The following VCAM1 variants were observed in gnomAD, a reference collection of about 807,000 sequenced individuals.
VCAM1 encodes the protein vascular cell adhesion molecule 1, also known as vascular cell adhesion protein 1.
In VCAM1, 41 loss-of-function variants were observed where a neutral mutation model predicts 63.8. The observed-to-expected ratio is 0.64, with a 90% CI of 0.50 to 0.83. VCAM1 has a LOEUF of 0.83. Ranked by LOEUF, VCAM1 falls within the 40% of genes least tolerant of loss-of-function variation. The pLI, the probability that VCAM1 is intolerant of heterozygous loss-of-function variation, is 0.00. For missense variants in VCAM1, 798 were observed against 875.5 expected (o/e 0.91, Z 1.12); for synonymous variants, 338 against 320.7 (o/e 1.05, Z -0.58).
intron 3 of VCAM1, 76 bp downstream of exon 3, chr1:100,723,416 A>G: frequency 7.0e-7 from 1 of 1,436,638 alleles, no homozygotes. Flanking sequence ...ACTTAGCAGA[A>G]AAGTAAAAAA....
chr1:100,724,215 T>G (rs1192001468), intron 3 of VCAM1, among the ~76,000 whole-genome samples: 2 of 152,042 alleles, frequency 1.3e-5, no homozygotes, highest in Non-Finnish European at 2.9e-5. Context: ...AGATTTCAGC[T>G]CAATAGGGAG....
chr1:100,730,987 G>A (rs1279638981), intron 5 of VCAM1, among the ~76,000 whole-genome samples: 1 of 151,934 alleles, frequency 6.6e-6, no homozygotes, highest in Admixed American at 6.6e-5. Context: ...CTCAATGACT[G>A]GATATACTAA....
intron 8 of VCAM1, chr1:100,735,842 T>A (rs2100836036): frequency 6.6e-6 from 1 of 152,294 alleles, no homozygotes; most frequent in Non-Finnish European, 1.5e-5. Flanking sequence ...AAAGAATTGA[T>A]CTAGCCAATG....
rs1396399988 is a variant in VCAM1 at position 100,731,986 on chromosome 1, T to C, written c.1526-432T>C. ...AAGCAGCCTCTTCAAGGCCTGGGTT[T>C]GGAAGTCCTACAGTGTTACTTCTTC... On this transcript the variant is annotated intron_variant, in intron 6 of 8. Coordinates refer to ENST00000294728, the MANE Select transcript of VCAM1 (RefSeq NM_001078.4). The surrounding 1 kb of genome is among the most constrained non-coding windows in gnomAD (Gnocchi z 4.2). Among the ~76,000 whole-genome samples the C allele has an allele frequency of 6.6e-6, 1 of 152,198 alleles. No homozygotes were observed. Among genetic ancestry groups the C allele is most frequent in the East Asian group, 1.9e-4 (1 of 5,188 alleles).
At position 100,724,697 on chromosome 1, in the gene VCAM1, C is replaced by G. The variant is rs1399095094; in HGVS notation, c.735C>G (p.Thr245=). ...KLQEGGSVTM[T]CSSEGLPAPE... ...AAGAAGGTGGCTCTGTGACCATGACCTGTTCCAGCGAGGGTCTACCAGCTC... is the reference window on the plus strand; with the variant it reads ...AAGAAGGTGGCTCTGTGACCATGACGTGTTCCAGCGAGGGTCTACCAGCTC... Residue 245 remains threonine (T), a synonymous_variant, in exon 4 of 9, where the codon ACC becomes ACG. Transcript: ENST00000294728. 6.2e-7 allele frequency: 1 copy of G among 1,613,052 alleles called. No individual in the cohort carries two copies. Among genetic ancestry groups the G allele is most frequent in the East Asian group, 2.2e-5 (1 of 44,836 alleles).
chr1:100,736,227 CATT>C (rs1443248997), intron 8 of VCAM1: 1 of 152,140 alleles, frequency 6.6e-6, no homozygotes, highest in African/African-American at 2.4e-5. Context: ...ACTTTTTACT[CATT>C]ATTTAAATGA....
intron 4 of VCAM1, among the ~76,000 whole-genome samples, chr1:100,727,024 C>G (rs964353317): frequency 2.1e-5 from 3 of 142,780 alleles, no homozygotes; most frequent in African/African-American, 7.9e-5. Flanking sequence ...AATCTGTAAA[C>G]TCCTTAAAAT....
chr1:100,729,501 G>A, intron 5 of VCAM1, 119 bp downstream of exon 5: 1 of 1,277,548 alleles, frequency 7.8e-7, no homozygotes, highest in East Asian at 2.4e-5. Flanking sequence ...TTAGCCTTGT[G>A]AATTTTGTTC....
At chr1:100,733,918 AAG>A (rs1322695365) in intron 7 of VCAM1, among the ~76,000 whole-genome samples, 1 of 152,206 alleles carries the variant, frequency 6.6e-6, no homozygotes, top group Admixed American at 6.5e-5. Context: ...CACTGCTATA[AAG>A]ATACTACTTG....
chr1:100,723,192 G>A lies in VCAM1; in HGVS notation c.513G>A (p.Lys171=). 1 of 1,613,184 alleles carries A rather than the reference G, an allele frequency of 6.2e-7. No homozygotes were observed. Among genetic ancestry groups the A allele is most frequent in the Non-Finnish European group, 8.5e-7 (1 of 1,179,460 alleles). Residue 171 remains lysine, a synonymous_variant, in exon 3 of 9, where the codon AAG becomes AAA. Transcript: ENST00000294728. ...AATTTCTGGAGGATGCAGACAGGAA[G>A]TCCCTGGAAACCAAGAGTTTGGAAG... ...SQEFLEDADR[K]SLETKSLEVT...
intron 7 of VCAM1, among the ~76,000 whole-genome samples, chr1:100,733,270 C>T (rs3181089): frequency 0.016 from 2,493 of 152,202 alleles, 67 homozygotes; most frequent in African/African-American, 0.057. Flanking sequence ...ATTATTAGTT[C>T]GCAGGTTGAA....
chr1:100,730,921 A>G (rs1382776448), intron 5 of VCAM1, among the ~76,000 whole-genome samples: 1 of 152,168 alleles, frequency 6.6e-6, no homozygotes, highest in African/African-American at 2.4e-5. Context: ...AGGTCAAGCC[A>G]TGGCACACAG....
chr1:100,738,257 G>T lies in VCAM1; in HGVS notation c.2194G>T (p.Val732Leu). The change falls in exon 9 of 9, where the codon GTA becomes TTA. Residue 732 changes from valine (V) to leucine (L), a missense_variant. Coordinates refer to ENST00000294728, the MANE Select transcript of VCAM1 (RefSeq NM_001078.4). The part of the protein sequence containing the change: ...KANMKGSYSL[V>L]EAQKSKV ...CAACATGAAGGGGTCATATAGTCTT[G>T]TAGAAGCACAGAAGTCAAAAGTGTA... 1 of 1,613,498 alleles carries T rather than the reference G, an allele frequency of 6.2e-7. No individual in the cohort carries two copies. The highest frequency in any genetic ancestry group is 8.5e-7 in the Non-Finnish European group (1 of 1,179,640).
intron 6 of VCAM1, 48 bp from the exon 7 acceptor site, chr1:100,732,370 A>G: frequency 6.7e-7 from 1 of 1,488,530 alleles, no homozygotes; most frequent in Middle Eastern, 1.8e-4. Flanking sequence ...AACTCTTTGG[A>G]ACTCAGGGCA....
chr1:100,732,112 TCA>T (rs201846746), intron 6 of VCAM1, among the ~76,000 whole-genome samples: 1,674 of 152,254 alleles, frequency 0.011, 9 homozygotes, highest in Middle Eastern at 0.051. Context: ...TTCAAATAAT[TCA>T]CAGTCATGTT....
Position 100,726,796 on chromosome 1 carries a change from A to G in VCAM1, c.928+1906A>G, listed in dbSNP as rs187463881. ...ACTAGGAAGGAAGGACAGGCATATA[A>G]ATAGGTAACGCAAATATTCCTTAGT... On this transcript the variant is annotated intron_variant, in intron 4 of 8. Transcript: ENST00000294728. 1.5e-3 allele frequency among the ~76,000 whole-genome samples: 225 copies of G among 152,176 alleles called. 2 individuals are homozygous for G. Among genetic ancestry groups the G allele is most frequent in the Non-Finnish European group, 1.8e-3 (119 of 67,972 alleles).
In VCAM1 at chr1:100,732,680, C is replaced by T; in HGVS notation, c.1788C>T (p.Ile596=). Residue 596 remains isoleucine (I), a synonymous_variant, in exon 7 of 9, where the codon ATC becomes ATT. Coordinates refer to ENST00000294728, the MANE Select transcript of VCAM1 (RefSeq NM_001078.4). The part of the protein sequence containing the change: ...GRSRKEVELI[I]QVTPKDIKLT... ...GCAGAAAGGAAGTGGAATTAATTAT[C>T]CAAGGTGAGCAGAGTGTGAGTAATG... 1 of 1,589,814 alleles carries T rather than the reference C, an allele frequency of 6.3e-7. No individual in the cohort carries two copies.
rs200730112 is a variant in VCAM1 at position 100,731,556 on chromosome 1, G to A, written c.1525+38G>A. 2.4e-5 allele frequency: 37 copies of A among 1,541,458 alleles called. No homozygotes were observed. The highest frequency in any genetic ancestry group is 3.7e-5 in the Admixed American group (2 of 54,520). On this transcript the variant is annotated intron_variant, in intron 6 of 8. Transcript: ENST00000294728. The surrounding 1 kb of genome is among the most constrained non-coding windows in gnomAD (Gnocchi z 4.2). Reference sequence around the variant, plus strand: ...GTGAGGTATCTACAGTTTAATACCTGTCTCTTTATCGTGTTTGCCAGGCAA... The same window carrying A: ...GTGAGGTATCTACAGTTTAATACCTATCTCTTTATCGTGTTTGCCAGGCAA...
At chr1:100,730,845 C>G (rs1660427201) in intron 5 of VCAM1, among the ~76,000 whole-genome samples, 1 of 151,950 alleles carries the variant, frequency 6.6e-6, no homozygotes, top group African/African-American at 2.4e-5. Context: ...CATAACATGG[C>G]AAATTTTAAA....
Sources: allele counts gnomAD v4.1 joint callset (sites outside exome capture counted in the v4.1 genomes callset), GRCh38; gene constraint gnomAD v4.1.1; non-coding constraint Gnocchi (gnomAD v3.1); transcripts MANE v1.5; gene names NCBI Gene and HGNC (gene_info 2026-07-23, HGNC 2026-07-21).